Variants in ZDHHC3 observed in about 807,000 individuals in gnomAD.
ZDHHC3 encodes the protein zDHHC palmitoyltransferase 3.
ZDHHC3 carries 9 observed loss-of-function variants against 30.6 expected under a neutral mutation model. The observed-to-expected ratio is 0.29, with a 90% CI of 0.18 to 0.51. The LOEUF is 0.51. Ranked by LOEUF, ZDHHC3 falls within the 20% of genes least tolerant of loss-of-function variation. The pLI, the probability that ZDHHC3 is intolerant of heterozygous loss-of-function variation, is 0.97. For synonymous variants in ZDHHC3, 136 were observed against 140.2 expected, an observed-to-expected ratio of 0.97 and a Z score of 0.21; for missense variants, 246 against 384.2, an observed-to-expected ratio of 0.64 and a Z score of 3.01.
chr3:44,969,017 G>A (rs116546893), intron 1 of ZDHHC3, among the ~76,000 whole-genome samples: 2,226 of 152,320 alleles, frequency 0.015, 62 homozygotes, highest in African/African-American at 0.051. Context: ...CCATCTCCCT[G>A]CATTAACTTC....
intron 3 of ZDHHC3, chr3:44,937,951 GA>G (rs1343541051): frequency 2.2e-6 from 1 of 458,776 alleles, no homozygotes; most frequent in Non-Finnish European, 4.4e-6. Context: ...CCGTGAGACA[GA>G]AAGAAACAGA....
At position 44,920,733 on chromosome 3, in the gene ZDHHC3, C is replaced by T; in HGVS notation, c.*5956G>A. On this transcript the variant is annotated 3_prime_UTR_variant, in exon 7 of 7. Coordinates refer to ENST00000424952, the MANE Select transcript of ZDHHC3 (RefSeq NM_001135179.2). ...AAGAGCCCACAGGATGATTATTTGC[C>T]ATTCATGTGGCATGCTCCCAGATAG... is the stretch of plus-strand genomic sequence containing the variant. 1 of 985,344 alleles carries T rather than the reference C, an allele frequency of 1.0e-6. No homozygotes were observed. Among genetic ancestry groups the T allele is most frequent in the Non-Finnish European group, 1.2e-6 (1 of 829,914 alleles). 61.0% of individuals were successfully genotyped at this position (985,344 alleles called of 1,614,324 possible).
chr3:44,929,583 G>A (rs1213259035), intron 5 of ZDHHC3, 147 bp from the exon 6 acceptor site: 14 of 1,113,302 alleles, frequency 1.3e-5, no homozygotes, highest in Non-Finnish European at 1.8e-5. Flanking sequence ...CCAGGCTACG[G>A]TGAGAATCAT....
chr3:44,959,152 G>A lies in ZDHHC3; in HGVS notation c.285C>T (p.Cys95=), dbSNP rs1276541708. Residue 95 remains cysteine (C), a synonymous_variant, in exon 2 of 7, where the codon TGC becomes TGT. Transcript: ENST00000424952. This position sits in a 1 kb window ranked among gnomAD's most constrained non-coding sequence, Gnocchi z 4.3. The part of the protein sequence containing the change: ...LLAFLALASH[C]RAMLTDPGAV... ...TCACGGGGTCCGTCAGCATGGCCCGGCAGTGGGAGGCCAGGGCCAAGAAGG... is the reference window on the plus strand; with the variant it reads ...TCACGGGGTCCGTCAGCATGGCCCGACAGTGGGAGGCCAGGGCCAAGAAGG... The A allele has an allele frequency of 1.9e-6, 3 of 1,614,264 alleles. No individual in the cohort carries two copies. Among genetic ancestry groups the A allele is most frequent in the Non-Finnish European group, 2.5e-6 (3 of 1,180,050 alleles).
chr3:44,924,617 AG>A lies in ZDHHC3; in HGVS notation c.*2071del, dbSNP rs1300356477. The A allele has an allele frequency of 1.0e-6, 1 of 985,352 alleles. No homozygotes were observed. The highest frequency in any genetic ancestry group is 1.7e-5 in the African/African-American group (1 of 57,252). 61.0% of individuals were successfully genotyped at this position (985,352 alleles called of 1,614,324 possible). A position where few individuals can be genotyped will look rare whatever the true frequency, so the allele number is the denominator to read the frequency against. ...ATCTACTGCATTCCTGAGAAATGCCAGGGGAAAAGAGCTAACCTGGCTCACT... is the reference window on the plus strand; with the variant it reads ...ATCTACTGCATTCCTGAGAAATGCCAGGGAAAAGAGCTAACCTGGCTCACT... On this transcript the variant is annotated 3_prime_UTR_variant, in exon 7 of 7. Transcript: ENST00000424952.
chr3:44,927,408 G>A (rs1440003274), intron 6 of ZDHHC3, among the ~76,000 whole-genome samples: 2 of 152,250 alleles, frequency 1.3e-5, no homozygotes. Context: ...CAGCCTGGGG[G>A]ATCAAGCAGC....
intron 3 of ZDHHC3, among the ~76,000 whole-genome samples, chr3:44,936,359 G>C (rs1559672068): frequency 6.6e-6 from 1 of 152,184 alleles, no homozygotes; most frequent in Admixed American, 6.5e-5. Flanking sequence ...AAAAACAACA[G>C]ATGCTGGCGA....
chr3:44,940,822 C>G (rs1256902442), intron 3 of ZDHHC3, among the ~76,000 whole-genome samples: 2 of 152,212 alleles, frequency 1.3e-5, no homozygotes, highest in African/African-American at 4.8e-5. Context: ...AGGGCCCTTA[C>G]TTGGTACTCA....
At chr3:44,929,483 T>G (rs777383463) in intron 5 of ZDHHC3, 47 bp from the exon 6 acceptor site, 2 of 1,606,264 alleles carry the variant, frequency 1.2e-6, no homozygotes, top group South Asian at 2.2e-5. Flanking sequence ...ACCCACTGCC[T>G]GCTGCCCAGG....
In ZDHHC3 at chr3:44,920,781, C is replaced by A; in HGVS notation, c.*5908G>T. On this transcript the variant is annotated 3_prime_UTR_variant, in exon 7 of 7. Transcript: ENST00000424952. The stretch of plus-strand genomic sequence containing the variant: ...TAGGCACTCTTGGATTATACTCAAC[C>A]TCCTCACCAACCTCATAAAGTATTC... The A allele has an allele frequency of 3.0e-6, 3 of 985,422 alleles. No homozygotes were observed. Among genetic ancestry groups the A allele is most frequent in the Non-Finnish European group, 3.6e-6 (3 of 829,938 alleles). 61.0% of individuals were successfully genotyped at this position (985,422 alleles called of 1,614,324 possible).
Position 44,920,497 on chromosome 3 carries a change from G to C in ZDHHC3, c.*6192C>G, listed in dbSNP as rs1366953291. ...ATAGGTTTTTATGGCCTCCTTGTGAGGAGGTGGGTATGAGTATTGATGATT... is the reference window on the plus strand; with the variant it reads ...ATAGGTTTTTATGGCCTCCTTGTGACGAGGTGGGTATGAGTATTGATGATT... On this transcript the variant is annotated 3_prime_UTR_variant, in exon 7 of 7. Coordinates refer to ENST00000424952, the MANE Select transcript of ZDHHC3 (RefSeq NM_001135179.2). The C allele has an allele frequency of 2.0e-6, 2 of 985,324 alleles. No homozygotes were observed. The highest frequency in any genetic ancestry group is 3.5e-5 in the African/African-American group (2 of 57,238). The allele number at this position is 985,324 out of a possible 1,614,324, so 61.0% of individuals were successfully genotyped here.
chr3:44,920,486 C>T lies in ZDHHC3; in HGVS notation c.*6203G>A. 3.3e-6 allele frequency: 4 copies of T among 1,200,278 alleles called. No homozygotes were observed. Among genetic ancestry groups the T allele is most frequent in the Non-Finnish European group, 4.2e-6 (4 of 942,696 alleles). The allele number at this position is 1,200,278 out of a possible 1,614,324, so 74.4% of individuals were successfully genotyped here. ...AAGCCATGACCATAGGTTTTTATGG[C>T]CTCCTTGTGAGGAGGTGGGTATGAG... On this transcript the variant is annotated 3_prime_UTR_variant, in exon 7 of 7. Transcript: ENST00000424952.
chr3:44,925,242 T>C lies in ZDHHC3; in HGVS notation c.*1447A>G. ...GACAGAATTGAAAAGTGGCAGCATG[T>C]TCCACTTACTTTTCTGAAAAATCAC... On this transcript the variant is annotated 3_prime_UTR_variant, in exon 7 of 7. Transcript: ENST00000424952. 1.0e-6 allele frequency: 1 copy of C among 985,894 alleles called. No individual in the cohort carries two copies. The highest frequency in any genetic ancestry group is 1.2e-6 in the Non-Finnish European group (1 of 829,944). The allele number at this position is 985,894 out of a possible 1,614,324, so 61.1% of individuals were successfully genotyped here. A position where few individuals can be genotyped will look rare whatever the true frequency, so the allele number is the denominator to read the frequency against.
chr3:44,934,131 T>C lies in ZDHHC3; in HGVS notation c.432-147A>G, dbSNP rs368357615. On this transcript the variant is annotated intron_variant, in intron 3 of 6. Coordinates refer to ENST00000424952, the MANE Select transcript of ZDHHC3 (RefSeq NM_001135179.2). ...GGGGTTTTGCTGGGTGTGTGTCACG[T>C]GGGGCTTGGGAGGCAGGGTCAGGAC... The C allele has an allele frequency of 5.3e-6, 4 of 761,874 alleles. 1 individual carries two copies. Among genetic ancestry groups the C allele is most frequent in the African/African-American group, 3.4e-5 (2 of 58,232 alleles). 47.2% of individuals were successfully genotyped at this position (761,874 alleles called of 1,614,324 possible). A position where few individuals can be genotyped will look rare whatever the true frequency, so the allele number is the denominator to read the frequency against.
In ZDHHC3 at chr3:44,965,399, T is replaced by C. The variant is rs1704853205; in HGVS notation, c.-24-5939A>G. On this transcript the variant is annotated intron_variant, in intron 1 of 6. Transcript: ENST00000424952. The stretch of plus-strand genomic sequence containing the variant: ...AGCCTTGGGGTATACCACTTATGCC[T>C]CAGTCCCCATGCTGTCTCTCCATGG... Among the ~76,000 whole-genome samples, 8 of 152,258 alleles carry C rather than the reference T, an allele frequency of 5.3e-5. No individual in the cohort carries two copies. The South Asian group carries it at 1.7e-3, about 32-fold the overall frequency.
chr3:44,922,075 A>T lies in ZDHHC3; in HGVS notation c.*4614T>A. 2 of 985,450 alleles carry T rather than the reference A, an allele frequency of 2.0e-6. No homozygotes were observed. The highest frequency in any genetic ancestry group is 2.4e-6 in the Non-Finnish European group (2 of 829,926). The allele number at this position is 985,450 out of a possible 1,614,324, so 61.0% of individuals were successfully genotyped here. On this transcript the variant is annotated 3_prime_UTR_variant, in exon 7 of 7. Coordinates refer to ENST00000424952, the MANE Select transcript of ZDHHC3 (RefSeq NM_001135179.2). ...AGATGTTTACTTGAGGGAGAGGGTG[A>T]GAAAAAGAAGGTTCAGGTTGGGAGT...
intron 2 of ZDHHC3, among the ~76,000 whole-genome samples, chr3:44,949,640 T>C (rs1179101895): frequency 6.6e-6 from 1 of 151,980 alleles, no homozygotes; most frequent in Non-Finnish European, 1.5e-5. Context: ...GTAACCAAAA[T>C]GTCATTATTG....
rs997542456 is a variant in ZDHHC3, at chr3:44,923,426, G to A, written c.*3263C>T. 1.8e-5 allele frequency: 18 copies of A among 985,226 alleles called. No homozygotes were observed. Among genetic ancestry groups the A allele is most frequent in the South Asian group, 4.7e-5 (1 of 21,278 alleles). 61.0% of individuals were successfully genotyped at this position (985,226 alleles called of 1,614,324 possible). ...GTTTGTTAATTTACCTCACCTAAACGGTTTCTGCATTAGGGGACGGTGGAT... is the reference window on the plus strand; with the variant it reads ...GTTTGTTAATTTACCTCACCTAAACAGTTTCTGCATTAGGGGACGGTGGAT... On this transcript the variant is annotated 3_prime_UTR_variant, in exon 7 of 7. Transcript: ENST00000424952.
At chr3:44,965,123 T>A (rs1027586217) in intron 1 of ZDHHC3, among the ~76,000 whole-genome samples, 1 of 152,042 alleles carries the variant, frequency 6.6e-6, no homozygotes, top group Admixed American at 6.5e-5. Context: ...TCAAAGGAAA[T>A]CAGCTAGTAT....
Sources: gnomAD v4.1 joint callset for allele counts (sites outside exome capture counted in the v4.1 genomes callset) on GRCh38, gnomAD v4.1.1 for gene constraint, Gnocchi (gnomAD v3.1) non-coding constraint, MANE v1.5 for transcripts, NCBI Gene and HGNC (gene_info 2026-07-23, HGNC 2026-07-21) for gene names.